Variants in CLEC2A observed in about 807,000 individuals in gnomAD.
CLEC2A encodes keratinocyte-associated C-type lectin.
A neutral mutation model predicts 18.6 loss-of-function variants in CLEC2A; 19 were observed. The observed-to-expected ratio is 1.02, with a 90% CI of 0.71 to 1.50. CLEC2A has a LOEUF of 1.50. Among genes scored for constraint, CLEC2A ranks in the 40% most tolerant of loss-of-function variants. CLEC2A has a pLI of 0.00. For missense variants in CLEC2A, 190 were observed against 207.9 expected, an observed-to-expected ratio of 0.91 and a Z score of 0.53; for synonymous variants, 74 against 64.0, an observed-to-expected ratio of 1.16 and a Z score of -0.75.
intron 3 of CLEC2A, among the ~76,000 whole-genome samples, chr12:9,918,313 A>T (rs10845004): frequency 6.6e-6 from 1 of 151,982 alleles, no homozygotes; most frequent in Non-Finnish European, 1.5e-5. Context: ...AATCCTTTGC[A>T]TATGGCTAGC....
chr12:9,881,760 C>A, the CLEC2A span: 3 of 871,730 alleles, frequency 3.4e-6, no homozygotes, highest in South Asian at 1.6e-5. Flanking sequence ...TAACATTGAT[C>A]ATAATAAGGA....
chr12:9,912,474 C>T (rs573802288), downstream of CLEC2A, among the ~76,000 whole-genome samples: 7 of 152,190 alleles, frequency 4.6e-5, no homozygotes, highest in South Asian at 4.1e-4. Flanking sequence ...AAAATAGGAG[C>T]GACAGTGAGA....
At chr12:9,912,872 A>G (rs376968910), downstream of CLEC2A, among the ~76,000 whole-genome samples, 1 of 152,122 alleles carries the variant, frequency 6.6e-6, no homozygotes, top group Non-Finnish European at 1.5e-5. Context: ...TCATTTTCAC[A>G]CTGTAATCAA....
chr12:9,878,331 CA>C, the CLEC2A span, among the ~76,000 whole-genome samples: 1 of 152,062 alleles, frequency 6.6e-6, no homozygotes, highest in Non-Finnish European at 1.5e-5. Flanking sequence ...TTGAGTATCT[CA>C]ACCCTTAAAG....
downstream of CLEC2A, chr12:9,895,610 A>G (rs1862747560): frequency 7.4e-7 from 1 of 1,350,420 alleles, no homozygotes; most frequent in Non-Finnish European, 9.8e-7. Flanking sequence ...TACCTATAAA[A>G]GTTTGGCTGG....
the CLEC2A span, among the ~76,000 whole-genome samples, chr12:9,878,626 C>T: frequency 6.6e-6 from 1 of 152,144 alleles, no homozygotes; most frequent in African/African-American, 2.4e-5. Flanking sequence ...TTCAATCCCA[C>T]CAAATCTGTT....
intron 4 of CLEC2A, among the ~76,000 whole-genome samples, chr12:9,900,964 T>G (rs1565526242): frequency 6.6e-6 from 1 of 152,150 alleles, no homozygotes; most frequent in Non-Finnish European, 1.5e-5. Flanking sequence ...AGTTTCCAAA[T>G]TCTAGAGGAA....
chr12:9,894,173 TTC>T (rs1277413803), downstream of CLEC2A, among the ~76,000 whole-genome samples: 2 of 149,840 alleles, frequency 1.3e-5, no homozygotes, highest in Non-Finnish European at 3.0e-5. Flanking sequence ...CCTTCTTTGT[TTC>T]TTTCTTTCTT....
At chr12:9,906,870 AC>A (rs1226384495) in intron 4 of CLEC2A, among the ~76,000 whole-genome samples, 1 of 152,194 alleles carries the variant, frequency 6.6e-6, no homozygotes, top group Admixed American at 6.5e-5. Flanking sequence ...AGGTTTGGAT[AC>A]CCTGTTAAGA....
rs1863080565 is a variant in CLEC2A, at chr12:9,916,822, AATCAGCGATTACTT to A, written c.307-33_307-20del. On this transcript the variant is annotated intron_variant, in intron 3 of 4. Transcript: ENST00000455827. ...AAAATTCCTTTCACAAAACAAAGGG[AATCAGCGATTACTT>A]AATATGTTACAGCACATTGCTGAAC... 1 of 1,430,264 alleles carries A rather than the reference AATCAGCGATTACTT, an allele frequency of 7.0e-7. No individual in the cohort carries two copies. The highest frequency in any genetic ancestry group is 1.2e-5 in the South Asian group (1 of 81,576). The allele number at this position is 1,430,264 out of a possible 1,614,324, so 88.6% of individuals were successfully genotyped here. A position where few individuals can be genotyped will look rare whatever the true frequency, so the allele number is the denominator to read the frequency against.
At chr12:9,910,721 C>T (rs187133614), downstream of CLEC2A, among the ~76,000 whole-genome samples, 141 of 148,970 alleles carry the variant, frequency 9.5e-4, no homozygotes, top group African/African-American at 2.7e-3. Flanking sequence ...ACCTGGTTGC[C>T]GTGGTAGGTA....
At chr12:9,909,035 A>G (rs1266311532), downstream of CLEC2A, among the ~76,000 whole-genome samples, 2 of 152,212 alleles carry the variant, frequency 1.3e-5, no homozygotes, top group African/African-American at 4.8e-5. Context: ...CCAATCCTCT[A>G]TCTTTTGTAA....
intron 2 of CLEC2A, among the ~76,000 whole-genome samples, chr12:9,922,525 A>G (rs1295891190): frequency 6.6e-6 from 1 of 152,222 alleles, no homozygotes; most frequent in African/African-American, 2.4e-5. Flanking sequence ...AAATGTAGCT[A>G]TAAATTCTGC....
In CLEC2A at chr12:9,913,488, A is replaced by G; in HGVS notation, c.*78T>C. On this transcript the variant is annotated 3_prime_UTR_variant, in exon 5 of 5. Coordinates refer to ENST00000455827, the MANE Select transcript of CLEC2A (RefSeq NM_001130711.2). Reference sequence around the variant, plus strand: ...AGGTTCCGTATTCTGTAACAGAATAAGTGAGAAAGCCACTTTTGCATAATT... The same window carrying G: ...AGGTTCCGTATTCTGTAACAGAATAGGTGAGAAAGCCACTTTTGCATAATT... The G allele has an allele frequency of 6.7e-7, 1 of 1,486,846 alleles. No homozygotes were observed. The highest frequency in any genetic ancestry group is 8.9e-7 in the Non-Finnish European group (1 of 1,125,918). 92.1% of individuals were successfully genotyped at this position (1,486,846 alleles called of 1,614,324 possible). A position where few individuals can be genotyped will look rare whatever the true frequency, so the allele number is the denominator to read the frequency against.
chr12:9,921,490 G>T (rs1259756675), intron 3 of CLEC2A, among the ~76,000 whole-genome samples: 1 of 152,122 alleles, frequency 6.6e-6, no homozygotes, highest in Non-Finnish European at 1.5e-5. Context: ...AGGAGGCTAA[G>T]GTGGGAGGAT....
intron 4 of CLEC2A, among the ~76,000 whole-genome samples, chr12:9,905,491 C>T (rs774118689): frequency 3.3e-5 from 5 of 152,220 alleles, no homozygotes; most frequent in Non-Finnish European, 7.4e-5. Context: ...GGAATATCAG[C>T]AGTGGAGTGT....
At chr12:9,877,844 T>C in the CLEC2A span, among the ~76,000 whole-genome samples, 3 of 152,242 alleles carry the variant, frequency 2.0e-5, no homozygotes, top group East Asian at 5.8e-4. Context: ...TGAATCAATA[T>C]ACGAATGAAT....
chr12:9,887,165 T>C, the CLEC2A span, among the ~76,000 whole-genome samples: 2 of 151,934 alleles, frequency 1.3e-5, no homozygotes, highest in Non-Finnish European at 2.9e-5. Flanking sequence ...AAAAGTAATA[T>C]AAACCATTTC....
chr12:9,906,002 C>T (rs979650964), intron 4 of CLEC2A, among the ~76,000 whole-genome samples: 223 of 146,630 alleles, frequency 1.5e-3, no homozygotes, highest in African/African-American at 5.5e-3. Context: ...TGGTGATTTT[C>T]TTGGAGCCCA....
Sources: gnomAD v4.1 joint callset for allele counts (sites outside exome capture counted in the v4.1 genomes callset) on GRCh38, gnomAD v4.1.1 for gene constraint, MANE v1.5 for transcripts, NCBI Gene and HGNC (gene_info 2026-07-23, HGNC 2026-07-21) for gene names.